CDH23: variants seen among roughly 807,000 people sequenced by gnomAD.
The protein encoded by CDH23 is cadherin related 23, also known as cadherin-23.
CDH23 carries 189 observed loss-of-function variants against 317.1 expected under a neutral mutation model. The ratio of observed to expected loss-of-function variants is 0.60; its 90% confidence interval spans 0.53 to 0.67. CDH23 has a LOEUF of 0.67. Among genes scored for constraint, CDH23 ranks in the 30% least tolerant of loss-of-function variants. CDH23 has a pLI of 0.00. For synonymous variants in CDH23, 1,839 were observed against 1,876.8 expected, an observed-to-expected ratio of 0.98 and a Z score of 0.52; for missense variants, 4,401 against 4,592.4, an observed-to-expected ratio of 0.96 and a Z score of 1.20.
chr10:71,788,179 C>T (rs1335644883), intron 44 of CDH23, among the ~76,000 whole-genome samples: 1 of 152,190 alleles, frequency 6.6e-6, no homozygotes, highest in African/African-American at 2.4e-5. Flanking sequence ...TCCCAAGTAG[C>T]TGGGATTACA....
intron 69 of CDH23, among the ~76,000 whole-genome samples, chr10:71,814,051 G>A (rs1431605271): frequency 2.0e-5 from 3 of 152,202 alleles, no homozygotes; most frequent in Non-Finnish European, 4.4e-5. Flanking sequence ...ACAGGAATAA[G>A]CTAGTCGAAT....
intron 38 of CDH23, among the ~76,000 whole-genome samples, chr10:71,771,326 T>C (rs1181080587): frequency 2.0e-5 from 3 of 152,154 alleles, no homozygotes; most frequent in African/African-American, 7.2e-5. Context: ...ATCACTACCA[T>C]TCTCCTCAGT....
At chr10:71,784,062 C>T (rs548959038) in intron 41 of CDH23, among the ~76,000 whole-genome samples, 4 of 152,290 alleles carry the variant, frequency 2.6e-5, no homozygotes, top group East Asian at 3.9e-4. Flanking sequence ...ATGAGTGGCC[C>T]GTGTCCGCCT....
At chr10:71,505,289 A>G (rs1235216118) in intron 3 of CDH23, among the ~76,000 whole-genome samples, 3 of 152,148 alleles carry the variant, frequency 2.0e-5, no homozygotes, top group Non-Finnish European at 4.4e-5. Context: ...TACCTTATCC[A>G]CAGAGCTCTG....
At chr10:71,572,891 G>A (rs958317715) in intron 8 of CDH23, among the ~76,000 whole-genome samples, 3 of 152,078 alleles carry the variant, frequency 2.0e-5, no homozygotes, top group African/African-American at 7.2e-5. Context: ...GGGTCTCCAG[G>A]GCATCATGCC....
At chr10:71,619,993 G>A (rs1861385368) in intron 11 of CDH23, among the ~76,000 whole-genome samples, 1 of 152,178 alleles carries the variant, frequency 6.6e-6, no homozygotes, top group East Asian at 1.9e-4. Flanking sequence ...AGCTTATATT[G>A]CAGTAACAAG....
At chr10:71,563,073 G>T (rs1306391131) in intron 6 of CDH23, among the ~76,000 whole-genome samples, 1 of 152,170 alleles carries the variant, frequency 6.6e-6, no homozygotes, top group Admixed American at 6.5e-5. Context: ...GAAGGAGGGT[G>T]GGTGGGGAGG....
intron 1 of CDH23, among the ~76,000 whole-genome samples, chr10:71,406,094 C>T (rs1485590693): frequency 6.6e-6 from 1 of 151,090 alleles, no homozygotes; most frequent in African/African-American, 2.4e-5. Flanking sequence ...CAGTTCATTG[C>T]AGCCTTGACC....
intron 9 of CDH23, among the ~76,000 whole-genome samples, chr10:71,614,021 T>C (rs1861049803): frequency 6.6e-6 from 1 of 152,240 alleles, no homozygotes. Context: ...ATTATCTGTA[T>C]TTTACAAGTG....
intron 6 of CDH23, among the ~76,000 whole-genome samples, chr10:71,533,525 C>CCAGACACA (rs1855520225): frequency 7.6e-6 from 1 of 130,752 alleles, no homozygotes; most frequent in Admixed American, 7.5e-5. Context: ...TGGCTGGACA[C>CCAGACACA]CACACACACA....
At chr10:71,538,382 A>C (rs548014824) in intron 6 of CDH23, among the ~76,000 whole-genome samples, 1 of 152,046 alleles carries the variant, frequency 6.6e-6, no homozygotes, top group African/African-American at 2.4e-5. Flanking sequence ...AGGATCAACT[A>C]TCAGAATTGG....
chr10:71,699,276 G>A (rs1275143265), intron 22 of CDH23, among the ~76,000 whole-genome samples: 1 of 152,262 alleles, frequency 6.6e-6, no homozygotes, highest in Non-Finnish European at 1.5e-5. Context: ...GCCAGGAGGT[G>A]GCTGGGTCTT....
At chr10:71,580,916 A>C (rs58724634) in intron 9 of CDH23, among the ~76,000 whole-genome samples, 167 of 151,826 alleles carry the variant, frequency 1.1e-3, no homozygotes, top group African/African-American at 3.7e-3. Context: ...CATCCTCAGC[A>C]TGAGCCTAAA....
chr10:71,812,312 G>A (rs1841959398), intron 66 of CDH23, 168 bp from the exon 67 acceptor site: 1 of 1,598,734 alleles, frequency 6.3e-7, no homozygotes, highest in East Asian at 2.2e-5. Flanking sequence ...GGTTCCAGCA[G>A]GATCCTATGG....
intron 3 of CDH23, chr10:71,509,847 G>A: frequency 1.8e-6 from 1 of 555,220 alleles, no homozygotes; most frequent in Middle Eastern, 4.8e-4. Context: ...TCAGAACATG[G>A]TGAGTGGTGG....
At chr10:71,766,151 G>A (rs933411366) in intron 38 of CDH23, among the ~76,000 whole-genome samples, 1 of 152,238 alleles carries the variant, frequency 6.6e-6, no homozygotes, top group Non-Finnish European at 1.5e-5. Flanking sequence ...ATTCTTTGGC[G>A]AGAGGATGTT....
Position 71,485,508 on chromosome 10 carries a change from G to T in CDH23, c.146-24574G>T, listed in dbSNP as rs573875759. 4.6e-5 allele frequency among the ~76,000 whole-genome samples: 7 copies of T among 152,360 alleles called. No individual in the cohort carries two copies. The South Asian group carries it at 1.5e-3, about 32-fold the overall frequency. On this transcript the variant is annotated intron_variant, in intron 3 of 69. Coordinates refer to ENST00000224721, the MANE Select transcript of CDH23 (RefSeq NM_022124.6). The stretch of plus-strand genomic sequence containing the variant: ...ATTCCAGGCAGGTGCAAGGGAGGAG[G>T]AGCTGAAAGCTCTTTGTTTGAGAGG...
chr10:71,420,032 A>G (rs755740489), intron 1 of CDH23, among the ~76,000 whole-genome samples: 11 of 152,136 alleles, frequency 7.2e-5, no homozygotes, highest in Non-Finnish European at 1.3e-4. Context: ...GGTGCTCAGG[A>G]AGGGTTTATT....
At chr10:71,722,180 C>A (rs1019947461) in intron 28 of CDH23, among the ~76,000 whole-genome samples, 3 of 152,230 alleles carry the variant, frequency 2.0e-5, no homozygotes, top group Non-Finnish European at 4.4e-5. Context: ...GTGGCTCATG[C>A]CTGTAATCCC....
Sources: allele counts gnomAD v4.1 joint callset (sites outside exome capture counted in the v4.1 genomes callset), GRCh38; gene constraint gnomAD v4.1.1; transcripts MANE v1.5; gene names NCBI Gene and HGNC (gene_info 2026-07-23, HGNC 2026-07-21).